SPTSSB: variants seen among roughly 807,000 people sequenced by gnomAD.
The protein encoded by SPTSSB is serine palmitoyltransferase small subunit B, also known as androgen down regulated in mouse prostate.
In SPTSSB, 6 loss-of-function variants were observed where a neutral mutation model predicts 7.7. That is an observed-to-expected ratio of 0.78 (90% CI 0.43 to 1.54). The LOEUF is 1.54. SPTSSB is among the 40% of genes most tolerant of loss of function. The pLI is 0.01. For missense variants in SPTSSB, 91 were observed against 93.0 expected (o/e 0.98, Z 0.09); for synonymous variants, 28 against 29.7 (o/e 0.94, Z 0.19).
At chr3:161,369,374 CTCTT>C (rs1417914370) in intron 1 of SPTSSB, among the ~76,000 whole-genome samples, 7 of 54,706 alleles carry the variant, frequency 1.3e-4, no homozygotes, top group South Asian at 5.2e-4. Context: ...CTCTCTGTCT[CTCTT>C]TCTTTCCTTT....
intron 1 of SPTSSB, among the ~76,000 whole-genome samples, chr3:161,370,647 G>A (rs1198902331): frequency 6.6e-6 from 1 of 152,164 alleles, no homozygotes; most frequent in Non-Finnish European, 1.5e-5. Flanking sequence ...CTCCCCTGAT[G>A]CAGTTATTTG....
intron 2 of SPTSSB, among the ~76,000 whole-genome samples, chr3:161,356,425 G>A (rs1015108386): frequency 1.9e-4 from 29 of 152,322 alleles, no homozygotes; most frequent in African/African-American, 7.0e-4. Context: ...ATTTGAGGGT[G>A]AAAATGGTGA....
intron 1 of SPTSSB, among the ~76,000 whole-genome samples, chr3:161,367,112 G>A (rs1011133279): frequency 6.6e-5 from 10 of 152,180 alleles, no homozygotes; most frequent in African/African-American, 2.4e-4. Context: ...GGGAGGCGGA[G>A]GTCACAGTGA....
chr3:161,357,142 G>C (rs1457069043), intron 2 of SPTSSB, among the ~76,000 whole-genome samples: 1 of 152,190 alleles, frequency 6.6e-6, no homozygotes, highest in Non-Finnish European at 1.5e-5. Context: ...CTGTATTCCA[G>C]GTTAGATGGT....
chr3:161,367,020 A>G lies in SPTSSB; in HGVS notation c.-126+4415T>C, dbSNP rs950291474. The stretch of plus-strand genomic sequence containing the variant: ...TGAAACCCCATCTCTACTAAAATAC[A>G]AGAAAATTTAGCTGGGCGTGGTGGC... On this transcript the variant is annotated intron_variant, in intron 1 of 2. Transcript: ENST00000620149. 4.6e-5 allele frequency among the ~76,000 whole-genome samples: 7 copies of G among 152,134 alleles called. No individual in the cohort carries two copies. The East Asian group carries it at 1.4e-3, about 29-fold the overall frequency.
In SPTSSB at chr3:161,344,959, AC is replaced by A. The variant is rs1446037561; in HGVS notation, c.*1133del. The A allele has an allele frequency of 1.3e-5, 2 of 152,608 alleles. No homozygotes were observed. The highest frequency in any genetic ancestry group is 4.8e-5 in the African/African-American group (2 of 41,428). The allele number at this position is 152,608 out of a possible 1,614,324, so 9.5% of individuals were successfully genotyped here. Reference sequence around the variant, plus strand: ...TCACCTTGGAAAAATTTTTTTCATAACACAAACAAGGGTGCAAATATTGTCC... The same window carrying A: ...TCACCTTGGAAAAATTTTTTTCATAAACAAACAAGGGTGCAAATATTGTCC... On this transcript the variant is annotated 3_prime_UTR_variant, in exon 3 of 3. Coordinates refer to ENST00000620149, the MANE Select transcript of SPTSSB (RefSeq NM_001040100.2).
At chr3:161,362,575 T>C (rs1490247423) in intron 1 of SPTSSB, among the ~76,000 whole-genome samples, 5 of 152,244 alleles carry the variant, frequency 3.3e-5, no homozygotes, top group Admixed American at 3.3e-4. Context: ...CAAATCAGAA[T>C]CTATAGCTAA....
At chr3:161,364,709 T>C (rs1429241676) in intron 1 of SPTSSB, among the ~76,000 whole-genome samples, 2 of 151,890 alleles carry the variant, frequency 1.3e-5, no homozygotes, top group African/African-American at 4.8e-5. Flanking sequence ...TTTGCTTTAT[T>C]TTCTACTTCT....
At chr3:161,364,317 A>G (rs1715130832) in intron 1 of SPTSSB, among the ~76,000 whole-genome samples, 2 of 152,288 alleles carry the variant, frequency 1.3e-5, no homozygotes, top group Admixed American at 6.5e-5. Flanking sequence ...CTCCCAATTC[A>G]GAGATCCCAC....
intron 2 of SPTSSB, among the ~76,000 whole-genome samples, chr3:161,359,039 A>G (rs1308201193): frequency 2.6e-5 from 4 of 152,190 alleles, no homozygotes; most frequent in African/African-American, 9.7e-5. Flanking sequence ...CTTGGCTGAT[A>G]GGTCACTTTT....
At chr3:161,366,421 C>T (rs1715221747) in intron 1 of SPTSSB, among the ~76,000 whole-genome samples, 1 of 152,068 alleles carries the variant, frequency 6.6e-6, no homozygotes, top group African/African-American at 2.4e-5. Context: ...CAAATATAGG[C>T]AGCAAAATAA....
At chr3:161,365,509 A>G (rs1446005267) in intron 1 of SPTSSB, among the ~76,000 whole-genome samples, 5 of 152,212 alleles carry the variant, frequency 3.3e-5, no homozygotes, top group Non-Finnish European at 1.5e-5. Flanking sequence ...GTTCTCAGAC[A>G]TTTTGTTGCA....
At chr3:161,365,197 A>G (rs1715167229) in intron 1 of SPTSSB, among the ~76,000 whole-genome samples, 1 of 152,256 alleles carries the variant, frequency 6.6e-6, no homozygotes, top group Admixed American at 6.5e-5. Flanking sequence ...CAACAATATA[A>G]GAGATGCACT....
At chr3:161,369,342 T>TCTCTG (rs1715389290) in intron 1 of SPTSSB, among the ~76,000 whole-genome samples, 3 of 102,682 alleles carry the variant, frequency 2.9e-5, no homozygotes, top group African/African-American at 1.2e-4. Flanking sequence ...CTTTCTTTCT[T>TCTCTG]TCTTTCTTTC....
In SPTSSB at chr3:161,346,896, T is replaced by C. The variant is rs138416950; in HGVS notation, c.-32-541A>G. On this transcript the variant is annotated intron_variant, in intron 2 of 2. Transcript: ENST00000620149. ...CACGGAGGGAGAAGGGAGCAGGGAG[T>C]GTGATGACACTGAAGAGGTGGGAAT... 7.9e-5 allele frequency among the ~76,000 whole-genome samples: 12 copies of C among 151,990 alleles called. 1 individual carries two copies. In the East Asian group the frequency reaches 2.1e-3, roughly 27 times the overall value.
chr3:161,363,246 T>C (rs1715082530), intron 1 of SPTSSB, among the ~76,000 whole-genome samples: 1 of 151,650 alleles, frequency 6.6e-6, no homozygotes, highest in South Asian at 2.1e-4. Context: ...CTATGTTATG[T>C]GACAAATAAT....
chr3:161,365,224 A>G (rs1261851494), intron 1 of SPTSSB, among the ~76,000 whole-genome samples: 1 of 152,238 alleles, frequency 6.6e-6, no homozygotes, highest in Non-Finnish European at 1.5e-5. Flanking sequence ...ATACCTGACA[A>G]ATCATTTATC....
Position 161,348,507 on chromosome 3 carries a change from G to A in SPTSSB, c.-32-2152C>T, listed in dbSNP as rs117899629. ...TAATTAATGTCTATTGTTTAAAACCGCTAAAAGTCAAACAATCAATCAATG... is the reference window on the plus strand; with the variant it reads ...TAATTAATGTCTATTGTTTAAAACCACTAAAAGTCAAACAATCAATCAATG... On this transcript the variant is annotated intron_variant, in intron 2 of 2. Transcript: ENST00000620149. Among the ~76,000 whole-genome samples the A allele has an allele frequency of 1.5e-3, 221 of 152,158 alleles. 2 individuals carry two copies. The East Asian group carries it at 0.036, about 25-fold the overall frequency.
At chr3:161,356,002 T>A (rs2108160783) in intron 2 of SPTSSB, among the ~76,000 whole-genome samples, 1 of 152,264 alleles carries the variant, frequency 6.6e-6, no homozygotes, top group East Asian at 1.9e-4. Context: ...TCTAGCAAAA[T>A]CACATCGATG....
Sources: gnomAD v4.1 joint callset for allele counts (sites outside exome capture counted in the v4.1 genomes callset) on GRCh38, gnomAD v4.1.1 for gene constraint, MANE v1.5 for transcripts, NCBI Gene and HGNC (gene_info 2026-07-23, HGNC 2026-07-21) for gene names.